PPP6R1: variants seen among roughly 807,000 people sequenced by gnomAD.
The protein encoded by PPP6R1 is serine/threonine-protein phosphatase 6 regulatory subunit 1.
PPP6R1 carries 39 observed loss-of-function variants against 104.6 expected under a neutral mutation model. That is an observed-to-expected ratio of 0.37 (90% CI 0.29 to 0.49). The LOEUF (loss-of-function observed/expected upper bound fraction) is 0.49. PPP6R1 is among the 20% of genes least tolerant of loss of function. The pLI, the probability that PPP6R1 is intolerant of heterozygous loss-of-function variation, is 0.98. For synonymous variants in PPP6R1, 549 were observed against 479.0 expected (o/e 1.15, Z -1.91); for missense variants, 1,181 against 1,155.8 (o/e 1.02, Z -0.32).
intron 1 of PPP6R1, among the ~76,000 whole-genome samples, chr19:55,249,609 G>A (rs1355402729): frequency 3.9e-5 from 6 of 152,106 alleles, no homozygotes; most frequent in Admixed American, 3.9e-4. Flanking sequence ...GGGAGGCCCA[G>A]GCAGGCAGAT....
rs572712682 is a variant in PPP6R1 at position 55,247,413 on chromosome 19, G to A, written c.-6-304C>T. 2.0e-5 allele frequency: 8 copies of A among 407,204 alleles called. No homozygotes were observed. The East Asian group carries it at 4.1e-4, about 21-fold the overall frequency. 25.2% of individuals were successfully genotyped at this position (407,204 alleles called of 1,614,324 possible). A position where few individuals can be genotyped will look rare whatever the true frequency, so the allele number is the denominator to read the frequency against. On this transcript the variant is annotated intron_variant, in intron 1 of 23. Transcript: ENST00000412770. The stretch of plus-strand genomic sequence containing the variant: ...AGGTCCAGGGGGTCATTTCACACCT[G>A]AGGCCTCAGGCCTGGTGAAGTCCCC...
chr19:55,242,817 A>T (rs889893851), intron 5 of PPP6R1, among the ~76,000 whole-genome samples: 8 of 152,370 alleles, frequency 5.3e-5, no homozygotes, highest in Middle Eastern at 3.4e-3. Context: ...TCCACACAGG[A>T]GAGTGCTAAT....
At chr19:55,247,852 T>C (rs1446083484) in intron 1 of PPP6R1, among the ~76,000 whole-genome samples, 4 of 152,182 alleles carry the variant, frequency 2.6e-5, no homozygotes, top group East Asian at 1.9e-4. Flanking sequence ...GCTCCCAGAA[T>C]AGTCACTGAC....
chr19:55,253,531 G>A (rs1221092183), intron 1 of PPP6R1, among the ~76,000 whole-genome samples: 3 of 152,204 alleles, frequency 2.0e-5, no homozygotes, highest in African/African-American at 4.8e-5. Flanking sequence ...CTGGTGCACG[G>A]CATCCAAGAA....
chr19:55,245,751 C>G lies in PPP6R1; in HGVS notation c.228-73G>C. ...GCAGGGGGCGGCAAGGCTCCACCCT[C>G]TTCTCTGCACCGGGCACTGGGTTTC... On this transcript the variant is annotated intron_variant, in intron 2 of 23. Transcript: ENST00000412770. This position sits in a 1 kb window ranked among gnomAD's most constrained non-coding sequence, Gnocchi z 6.4. The G allele has an allele frequency of 8.0e-7, 1 of 1,248,646 alleles. No homozygotes were observed. The highest frequency in any genetic ancestry group is 1.1e-6 in the Non-Finnish European group (1 of 893,382). 77.3% of individuals were successfully genotyped at this position (1,248,646 alleles called of 1,614,324 possible).
At chr19:55,234,946 A>AG in intron 17 of PPP6R1, among the ~76,000 whole-genome samples, 1 of 152,282 alleles carries the variant, frequency 6.6e-6, no homozygotes, top group African/African-American at 2.4e-5. Flanking sequence ...TGGCTAACAG[A>AG]GGGGATGTGG....
At chr19:55,252,798 A>G (rs1426248816) in intron 1 of PPP6R1, among the ~76,000 whole-genome samples, 1 of 152,088 alleles carries the variant, frequency 6.6e-6, no homozygotes, top group East Asian at 1.9e-4. Flanking sequence ...TCGGCCTCCC[A>G]AAGTGCTGGG....
chr19:55,247,154 A>G (rs766806259), intron 1 of PPP6R1, 45 bp from the exon 2 acceptor site: 1 of 1,580,418 alleles, frequency 6.3e-7, no homozygotes, highest in South Asian at 1.1e-5. Context: ...CGCCCCAGGG[A>G]GTCCCCACTG....
In PPP6R1 at chr19:55,230,284, CTCTCTATTT is replaced by C. The variant is rs1351273981; in HGVS notation, c.*235_*243del. 8 of 587,146 alleles carry C rather than the reference CTCTCTATTT, an allele frequency of 1.4e-5. No individual in the cohort carries two copies. The highest frequency in any genetic ancestry group is 2.1e-5 in the Non-Finnish European group (7 of 329,298). The allele number at this position is 587,146 out of a possible 1,614,324, so 36.4% of individuals were successfully genotyped here. Reference sequence around the variant, plus strand: ...TAATATATGTTTCTCTCTCTCCATTCTCTCTATTTGACTCTCTGTATCTTTATTCTAGGA... The same window carrying C: ...TAATATATGTTTCTCTCTCTCCATTCGACTCTCTGTATCTTTATTCTAGGA... On this transcript the variant is annotated 3_prime_UTR_variant, in exon 24 of 24. Coordinates refer to ENST00000412770, the MANE Select transcript of PPP6R1 (RefSeq NM_014931.4).
intron 17 of PPP6R1, 116 bp downstream of exon 17, chr19:55,236,527 A>G (rs1280174959): frequency 4.2e-6 from 5 of 1,192,838 alleles, no homozygotes; most frequent in African/African-American, 1.5e-5. Context: ...ACACACACCA[A>G]TGCAGGTTCC....
intron 5 of PPP6R1, 46 bp from the exon 6 acceptor site, chr19:55,242,534 C>A: frequency 6.6e-7 from 1 of 1,510,400 alleles, no homozygotes; most frequent in Non-Finnish European, 9.2e-7. Flanking sequence ...GGCCACCGGG[C>A]CCTCTGCAGC....
At position 55,232,154 on chromosome 19, in the gene PPP6R1, TTCC is replaced by T. The variant is rs752714134; in HGVS notation, c.2043_2045del (p.Glu682del). 1.2e-5 allele frequency: 19 copies of T among 1,579,946 alleles called. No homozygotes were observed. Among genetic ancestry groups the T allele is most frequent in the Middle Eastern group, 1.7e-4 (1 of 5,986 alleles). On this transcript the variant is annotated inframe_deletion, in exon 18 of 24. Coordinates refer to ENST00000412770, the MANE Select transcript of PPP6R1 (RefSeq NM_014931.4). ...CTGCACAGCCAATGCCCTCCTCGTC[TTCC>T]TCCTCCTCCTCGTCCTCCTCTTCTT...
chr19:55,232,324 G>A (rs1208528822), intron 17 of PPP6R1, 113 bp from the exon 18 acceptor site: 7 of 1,431,156 alleles, frequency 4.9e-6, no homozygotes, highest in Non-Finnish European at 9.2e-7. Flanking sequence ...ATGACAGGCA[G>A]GTCACAGAAG....
rs139686170 is a variant in PPP6R1, at chr19:55,242,240, C to T, written c.771G>A (p.Glu257=). 7.3e-4 allele frequency: 1,179 copies of T among 1,613,980 alleles called. 1 individual carries two copies. The highest frequency in any genetic ancestry group is 5.8e-3 in the Middle Eastern group (35 of 6,062). The change falls in exon 7 of 24, where the codon GAG becomes GAA. Residue 257 remains glutamate (E), a synonymous_variant. Transcript: ENST00000412770. Reference sequence around the variant, plus strand: ...CGATGACAGACTGGCTCTGCTCCCCCTCGAACATGTTGCTTAAGAGCTGCT... The same window carrying T: ...CGATGACAGACTGGCTCTGCTCCCCTTCGAACATGTTGCTTAAGAGCTGCT... ...TIEQLLSNMF[E]GEQSQSVIVS...
Position 55,245,031 on chromosome 19 carries a change from T to C in PPP6R1, c.618+89A>G. ...GGAATTACAGGCGTGAGCCACTGCG[T>C]CCAGCCCCAATTCCTCTTTTAAAAG... On this transcript the variant is annotated intron_variant, in intron 5 of 23. Coordinates refer to ENST00000412770, the MANE Select transcript of PPP6R1 (RefSeq NM_014931.4). The surrounding 1 kb of genome is among the most constrained non-coding windows in gnomAD (Gnocchi z 6.4). 6.5e-7 allele frequency: 1 copy of C among 1,537,320 alleles called. No homozygotes were observed. The highest frequency in any genetic ancestry group is 1.9e-4 in the Middle Eastern group (1 of 5,360).
At chr19:55,256,633 G>T (rs553842877) in intron 1 of PPP6R1, among the ~76,000 whole-genome samples, 40 of 152,290 alleles carry the variant, frequency 2.6e-4, no homozygotes, top group African/African-American at 9.4e-4. Flanking sequence ...ACCACAGCAG[G>T]GCACCAGAGC....
intron 1 of PPP6R1, 194 bp from the exon 2 acceptor site, chr19:55,247,303 G>T: frequency 1.7e-6 from 1 of 605,916 alleles, no homozygotes; most frequent in East Asian, 2.9e-5. Context: ...TCAGGCTTAA[G>T]GCTCCCAGTG....
chr19:55,254,929 C>T lies in PPP6R1; in HGVS notation c.-7+3506G>A, dbSNP rs144938544. 5.3e-4 allele frequency among the ~76,000 whole-genome samples: 80 copies of T among 152,352 alleles called. No homozygotes were observed. In the East Asian group the frequency reaches 0.014, roughly 27 times the overall value. On this transcript the variant is annotated intron_variant, in intron 1 of 23. Transcript: ENST00000412770. ...CCCCACCACCTCTGGGCAGGACCTA[C>T]GGTGTGTGCCGGCTGCAGAATCCGG...
chr19:55,232,086 G>A lies in PPP6R1; in HGVS notation c.2114C>T (p.Pro705Leu), dbSNP rs781634870. ...ATPLSYPSPG[P>L]QPPGPSWTAT... ...GCCCATTCATTCACCTGGAGGCTGA[G>A]GGCCAGGGCTGGGGTAGGACAGAGG... is the stretch of plus-strand genomic sequence containing the variant. The change falls in exon 18 of 24, where the codon CCT (proline) becomes CTT (leucine). Residue 705 changes from proline (P) to leucine (L), a missense_variant. Around this residue, in one of 2 missense-constraint regions of PPP6R1, gnomAD observed 1,042 missense variants for 955.6 expected, o/e 1.09. Coordinates refer to ENST00000412770, the MANE Select transcript of PPP6R1 (RefSeq NM_014931.4). The A allele has an allele frequency of 2.5e-6, 4 of 1,611,008 alleles. No individual in the cohort carries two copies. The highest frequency in any genetic ancestry group is 2.2e-5 in the South Asian group (2 of 90,336).
Sources: gnomAD v4.1 joint callset for allele counts (sites outside exome capture counted in the v4.1 genomes callset) on GRCh38, gnomAD v4.1.1 for gene constraint, gnomAD v4.1.1 regional missense constraint, Gnocchi (gnomAD v3.1) non-coding constraint, MANE v1.5 for transcripts, NCBI Gene and HGNC (gene_info 2026-07-23, HGNC 2026-07-21) for gene names.